Variants in SPRR2G observed in about 807,000 individuals in gnomAD.
SPRR2G encodes the protein small proline rich protein 2G, also known as small proline-rich protein 2G.
Under a neutral mutation model 0.7 loss-of-function variants are expected in SPRR2G, and 1 was observed. The observed-to-expected ratio is 1.49, with a 90% CI of 0.53 to 7.06. SPRR2G has a LOEUF of 7.06. Among genes scored for constraint, SPRR2G ranks in the 30% most tolerant of loss-of-function variants. The pLI is 0.14. For missense variants in SPRR2G, 96 were observed against 88.5 expected (o/e 1.09, Z -0.34); for synonymous variants, 38 against 33.9 (o/e 1.12, Z -0.42).
At chr1:153,192,922 A>T in the SPRR2G span, among the ~76,000 whole-genome samples, 1 of 152,194 alleles carries the variant, frequency 6.6e-6, no homozygotes, top group South Asian at 2.1e-4. Flanking sequence ...AACTGGTGGT[A>T]TCAAAAGATC....
chr1:153,198,783 G>A, the SPRR2G span, among the ~76,000 whole-genome samples: 5 of 152,148 alleles, frequency 3.3e-5, no homozygotes, highest in African/African-American at 1.2e-4. Flanking sequence ...TTAGTATTGG[G>A]ACCTAAAGCT....
chr1:153,189,845 C>T, the SPRR2G span, among the ~76,000 whole-genome samples: 1 of 152,056 alleles, frequency 6.6e-6, no homozygotes, highest in Non-Finnish European at 1.5e-5. Flanking sequence ...AAAGAAAGGA[C>T]GATACCAACT....
At chr1:153,183,939 GT>G in the SPRR2G span, among the ~76,000 whole-genome samples, 2 of 152,266 alleles carry the variant, frequency 1.3e-5, no homozygotes, top group Non-Finnish European at 2.9e-5. Flanking sequence ...TCTACATGTG[GT>G]TAGGCAGTTT....
the SPRR2G span, among the ~76,000 whole-genome samples, chr1:153,161,553 G>T: frequency 6.6e-6 from 1 of 151,866 alleles, no homozygotes; most frequent in Non-Finnish European, 1.5e-5. Context: ...TCTTTCATTT[G>T]CTGTCAAGAG....
chr1:153,171,528 C>T, the SPRR2G span, among the ~76,000 whole-genome samples: 243 of 152,276 alleles, frequency 1.6e-3, 1 homozygote, highest in South Asian at 5.8e-3. Flanking sequence ...CACATGCCAC[C>T]GCTTTTCCTC....
chr1:153,158,351 C>A, the SPRR2G span, among the ~76,000 whole-genome samples: 1 of 152,190 alleles, frequency 6.6e-6, no homozygotes, highest in South Asian at 2.1e-4. Context: ...GCCACAGGTC[C>A]CATGCAAGTC....
chr1:153,151,442 A>G (rs1258557804), upstream of SPRR2G, among the ~76,000 whole-genome samples: 3 of 152,172 alleles, frequency 2.0e-5, no homozygotes, highest in African/African-American at 7.2e-5. Context: ...GACAGCCCCA[A>G]CCTGGGTGTG....
chr1:153,169,785 A>G, the SPRR2G span, among the ~76,000 whole-genome samples: 5 of 152,302 alleles, frequency 3.3e-5, no homozygotes, highest in South Asian at 2.1e-4. Context: ...GACTCCTCCT[A>G]TAGCTTATTC....
the SPRR2G span, among the ~76,000 whole-genome samples, chr1:153,175,194 G>A: frequency 7.9e-5 from 12 of 151,954 alleles, no homozygotes; most frequent in Non-Finnish European, 1.2e-4. Context: ...TGGACTAATC[G>A]TAAGAACCTC....
chr1:153,198,424 G>A, the SPRR2G span, among the ~76,000 whole-genome samples: 1 of 152,186 alleles, frequency 6.6e-6, no homozygotes, highest in Non-Finnish European at 1.5e-5. Context: ...GAGACAGGGA[G>A]ACCTGTGATG....
At chr1:153,182,086 C>T in the SPRR2G span, among the ~76,000 whole-genome samples, 1 of 152,036 alleles carries the variant, frequency 6.6e-6, no homozygotes, top group African/African-American at 2.4e-5. Context: ...TGTTATTCTT[C>T]ATCTTTTTGA....
At chr1:153,153,454 C>T (rs538496988), upstream of SPRR2G, among the ~76,000 whole-genome samples, 32 of 152,138 alleles carry the variant, frequency 2.1e-4, no homozygotes, top group South Asian at 2.3e-3. Context: ...ACTTCTCTGA[C>T]GGACATTTTT....
At chr1:153,153,745 C>A (rs186505626), upstream of SPRR2G, among the ~76,000 whole-genome samples, 2 of 152,198 alleles carry the variant, frequency 1.3e-5, no homozygotes, top group Admixed American at 6.5e-5. Flanking sequence ...TAGCCTAGTT[C>A]TTTAAGCTCC....
the SPRR2G span, among the ~76,000 whole-genome samples, chr1:153,184,098 A>G: frequency 6.6e-5 from 10 of 152,196 alleles, no homozygotes; most frequent in African/African-American, 1.9e-4. Context: ...TGGTACCAGT[A>G]CCATGCTGTT....
the SPRR2G span, among the ~76,000 whole-genome samples, chr1:153,186,962 T>C: frequency 6.6e-6 from 1 of 152,190 alleles, no homozygotes; most frequent in Non-Finnish European, 1.5e-5. Context: ...TTATGAAACT[T>C]AGTTTGGCTG....
At chr1:153,172,127 G>C in the SPRR2G span, among the ~76,000 whole-genome samples, 1 of 152,118 alleles carries the variant, frequency 6.6e-6, no homozygotes, top group African/African-American at 2.4e-5. Flanking sequence ...TGTCCCATGA[G>C]AGGACCAGGA....
the SPRR2G span, among the ~76,000 whole-genome samples, chr1:153,160,635 T>G: frequency 6.6e-6 from 1 of 151,864 alleles, no homozygotes; most frequent in Non-Finnish European, 1.5e-5. Context: ...ACTTTTACAC[T>G]GTTGGTGGGA....
chr1:153,179,742 C>A, the SPRR2G span, among the ~76,000 whole-genome samples: 1 of 152,016 alleles, frequency 6.6e-6, no homozygotes, highest in Admixed American at 6.6e-5. Flanking sequence ...AATGTTCTTA[C>A]CCTAATTAGA....
chr1:153,184,099 C>A, the SPRR2G span, among the ~76,000 whole-genome samples: 2 of 152,158 alleles, frequency 1.3e-5, no homozygotes, highest in African/African-American at 4.8e-5. Context: ...GGTACCAGTA[C>A]CATGCTGTTT....
Sources: gnomAD v4.1 joint callset for allele counts (sites outside exome capture counted in the v4.1 genomes callset) on GRCh38, gnomAD v4.1.1 for gene constraint, MANE v1.5 for transcripts, NCBI Gene and HGNC (gene_info 2026-07-23, HGNC 2026-07-21) for gene names.